Variants in MMP26 observed in about 807,000 individuals in gnomAD.
MMP26 encodes the protein matrix metalloproteinase-26.
A neutral mutation model predicts 31.0 loss-of-function variants in MMP26; 33 were observed. The observed-to-expected ratio is 1.06, with a 90% CI of 0.81 to 1.42. The LOEUF is 1.42. Among genes scored for constraint, MMP26 ranks in the 40% most tolerant of loss-of-function variants. The probability of loss-of-function intolerance (pLI) is 0.00; values close to 1 mark genes in which losing one functional copy is unlikely to be tolerated. For missense variants in MMP26, 347 were observed against 316.1 expected, an observed-to-expected ratio of 1.10 and a Z score of -0.74; for synonymous variants, 122 against 114.9, an observed-to-expected ratio of 1.06 and a Z score of -0.40.
chr11:4,867,180 T>G (rs1464052286), intron 2 of MMP26, among the ~76,000 whole-genome samples: 1 of 151,816 alleles, frequency 6.6e-6, no homozygotes, highest in Non-Finnish European at 1.5e-5. Flanking sequence ...TTACAATCTA[T>G]CCATCTGACA....
chr11:4,735,689 G>T (rs114840645), intron 1 of MMP26, among the ~76,000 whole-genome samples: 1 of 151,864 alleles, frequency 6.6e-6, no homozygotes, highest in Non-Finnish European at 1.5e-5. Flanking sequence ...TTAGCATCTC[G>T]CAATAGTAGA....
intron 2 of MMP26, among the ~76,000 whole-genome samples, chr11:4,812,867 A>ATG (rs1849368078): frequency 5.3e-5 from 8 of 151,930 alleles, no homozygotes; most frequent in Admixed American, 5.3e-4. Context: ...GGAAAGGCAG[A>ATG]TGTGTGTGTG....
chr11:4,805,986 A>G (rs533268972), intron 2 of MMP26, among the ~76,000 whole-genome samples: 1 of 152,292 alleles, frequency 6.6e-6, no homozygotes, highest in South Asian at 2.1e-4. Flanking sequence ...TGGGCAAGAA[A>G]AGTATGCATT....
intron 2 of MMP26, chr11:4,848,548 T>C: frequency 6.2e-7 from 1 of 1,612,058 alleles, no homozygotes; most frequent in African/African-American, 1.3e-5. Flanking sequence ...GAGAAGAAAA[T>C]AAGCAGGGGG....
At chr11:4,810,554 T>C (rs1182040677) in intron 2 of MMP26, among the ~76,000 whole-genome samples, 35 of 152,196 alleles carry the variant, frequency 2.3e-4, no homozygotes, top group Admixed American at 2.3e-3. Flanking sequence ...AGTTTGCACA[T>C]AGAGTGTGTA....
At chr11:4,814,947 CCA>C (rs1401540968) in intron 2 of MMP26, among the ~76,000 whole-genome samples, 1 of 152,094 alleles carries the variant, frequency 6.6e-6, no homozygotes, top group Non-Finnish European at 1.5e-5. Context: ...CGACTTGTGC[CCA>C]ACAGAGTCAG....
intron 2 of MMP26, among the ~76,000 whole-genome samples, chr11:4,771,810 G>A (rs527686947): frequency 1.4e-3 from 213 of 152,274 alleles, no homozygotes; most frequent in African/African-American, 4.9e-3. Flanking sequence ...AAATATTTAA[G>A]TATGAATTAT....
At chr11:4,807,951 C>G (rs907208867) in intron 2 of MMP26, among the ~76,000 whole-genome samples, 3 of 151,954 alleles carry the variant, frequency 2.0e-5, no homozygotes, top group Non-Finnish European at 4.4e-5. Context: ...ACTACAGATA[C>G]GCACCACAAC....
intron 2 of MMP26, among the ~76,000 whole-genome samples, chr11:4,817,000 G>GT (rs1849430831): frequency 6.6e-6 from 1 of 151,702 alleles, no homozygotes; most frequent in South Asian, 2.1e-4. Flanking sequence ...GTAGTGGCAC[G>GT]TTTAGTGACA....
At chr11:4,835,046 T>A (rs982403260) in intron 2 of MMP26, among the ~76,000 whole-genome samples, 1 of 152,160 alleles carries the variant, frequency 6.6e-6, no homozygotes, top group Non-Finnish European at 1.5e-5. Context: ...CTTAAGCCTC[T>A]TGGTTAATAA....
At chr11:4,987,942 C>T (rs879314390) in intron 2 of MMP26, 126 bp from the exon 3 acceptor site, 9 of 488,974 alleles carry the variant, frequency 1.8e-5, no homozygotes, top group East Asian at 3.6e-5. Flanking sequence ...CTGAGACTGA[C>T]CTGTATTTCC....
At chr11:4,826,865 C>A in intron 2 of MMP26, among the ~76,000 whole-genome samples, 1 of 152,106 alleles carries the variant, frequency 6.6e-6, no homozygotes, top group Non-Finnish European at 1.5e-5. Context: ...TTATCAAATA[C>A]GTCTCGGGAT....
chr11:4,783,357 T>A (rs1444853279), intron 2 of MMP26, among the ~76,000 whole-genome samples: 1 of 152,200 alleles, frequency 6.6e-6, no homozygotes, highest in Non-Finnish European at 1.5e-5. Context: ...ATTTCGGATT[T>A]GTGTGGGGCT....
At chr11:4,953,859 C>G (rs534295475) in intron 2 of MMP26, among the ~76,000 whole-genome samples, 1 of 124,854 alleles carries the variant, frequency 8.0e-6, no homozygotes, top group South Asian at 2.4e-4. Context: ...TGAGACCAAC[C>G]TGGCCAACAT....
chr11:4,895,700 G>A (rs1589931804), intron 2 of MMP26, among the ~76,000 whole-genome samples: 1 of 152,124 alleles, frequency 6.6e-6, no homozygotes, highest in African/African-American at 2.4e-5. Flanking sequence ...AAGGTGGGAG[G>A]ATCACTTGAG....
At chr11:4,976,626 T>G (rs1008134075) in intron 2 of MMP26, among the ~76,000 whole-genome samples, 4 of 152,002 alleles carry the variant, frequency 2.6e-5, no homozygotes, top group African/African-American at 9.7e-5. Context: ...CCTTGGTGCC[T>G]TTTTAGTGGA....
chr11:4,908,448 G>C, intron 2 of MMP26: 1 of 747,594 alleles, frequency 1.3e-6, no homozygotes, highest in Non-Finnish European at 2.3e-6. Flanking sequence ...TTATAATAAA[G>C]TTGAGAATAT....
At chr11:4,737,337 C>T (rs932404768) in intron 1 of MMP26, among the ~76,000 whole-genome samples, 2 of 152,128 alleles carry the variant, frequency 1.3e-5, no homozygotes, top group Non-Finnish European at 2.9e-5. Context: ...CAGAATAGCA[C>T]CTCTTTTTTT....
chr11:4,979,555 CCAAA>C (rs1001204042), intron 2 of MMP26, among the ~76,000 whole-genome samples: 4 of 152,074 alleles, frequency 2.6e-5, no homozygotes, highest in African/African-American at 4.8e-5. Context: ...GTGAGAAAGA[CCAAA>C]CAGAGTTCTA....
Sources: allele counts gnomAD v4.1 joint callset (sites outside exome capture counted in the v4.1 genomes callset), GRCh38; gene constraint gnomAD v4.1.1; transcripts MANE v1.5; gene names NCBI Gene and HGNC (gene_info 2026-07-23, HGNC 2026-07-21).